The following HVCN1 variants were observed in gnomAD, a reference collection of about 807,000 sequenced individuals.
HVCN1 encodes the protein voltage-gated hydrogen channel 1.
HVCN1 carries 14 observed loss-of-function variants against 29.2 expected under a neutral mutation model. The ratio of observed to expected loss-of-function variants is 0.48; its 90% CI spans 0.32 to 0.75. The LOEUF (loss-of-function observed/expected upper bound fraction) is 0.75. Among genes scored for constraint, HVCN1 ranks in the 30% least tolerant of loss-of-function variants. The probability of loss-of-function intolerance (pLI) is 0.04; values close to 1 mark genes in which losing one functional copy is unlikely to be tolerated. For missense variants in HVCN1, 263 were observed against 341.8 expected (o/e 0.77, Z 1.82); for synonymous variants, 131 against 133.2 (o/e 0.98, Z 0.11).
In HVCN1 at chr12:110,658,610, C is replaced by G. The variant is rs1049104907; in HGVS notation, c.306+2554G>C. Among the ~76,000 whole-genome samples, 1 of 152,138 alleles carries G rather than the reference C, an allele frequency of 6.6e-6. No individual in the cohort carries two copies. The highest frequency in any genetic ancestry group is 2.4e-5 in the African/African-American group (1 of 41,440). ...ACTCCTGCTCAGCATGCAGGTGTCA[C>G]CTCCTTCGACTCCAGTCCCTGATCA... is the stretch of plus-strand genomic sequence containing the variant. On this transcript the variant is annotated intron_variant, in intron 4 of 7. Coordinates refer to ENST00000242607, the MANE Select transcript of HVCN1 (RefSeq NM_032369.4). This position sits in a 1 kb window ranked among gnomAD's most constrained non-coding sequence, Gnocchi z 5.0.
rs554709312 is a variant in HVCN1, at chr12:110,650,919, C to T, written c.643+298G>A. 1.2e-3 allele frequency among the ~76,000 whole-genome samples: 183 copies of T among 152,230 alleles called. 1 individual carries two copies. Among genetic ancestry groups the T allele is most frequent in the African/African-American group, 4.3e-3 (179 of 41,520 alleles). ...TTCACCATGTTGCCCAGGTTGGTCT[C>T]GAACTCCTGGGCTCAAGTGATCCTC... On this transcript the variant is annotated intron_variant, in intron 6 of 7. Transcript: ENST00000242607.
At position 110,676,933 on chromosome 12, in the gene HVCN1, G is replaced by A. The variant is rs1250044185; in HGVS notation, c.21+6292C>T. 6.6e-6 allele frequency among the ~76,000 whole-genome samples: 1 copy of A among 152,062 alleles called. No individual in the cohort carries two copies. Among genetic ancestry groups the A allele is most frequent in the African/African-American group, 2.4e-5 (1 of 41,402 alleles). On this transcript the variant is annotated intron_variant, in intron 3 of 7. Transcript: ENST00000242607. This position sits in a 1 kb window ranked among gnomAD's most constrained non-coding sequence, Gnocchi z 4.1. Reference sequence around the variant, plus strand: ...TCCCTTATTTAAAACTTTTGGCTGGGTGCAGTCACTCACACCTGTAATCCC... The same window carrying A: ...TCCCTTATTTAAAACTTTTGGCTGGATGCAGTCACTCACACCTGTAATCCC...
At chr12:110,697,090 T>C (rs2069505437) in intron 2 of HVCN1, among the ~76,000 whole-genome samples, 1 of 151,890 alleles carries the variant, frequency 6.6e-6, no homozygotes, top group Admixed American at 6.6e-5. Context: ...GTGCCCTCCA[T>C]CAAGCAGAGA....
intron 3 of HVCN1, among the ~76,000 whole-genome samples, chr12:110,680,254 C>T (rs2068913190): frequency 6.6e-6 from 1 of 152,162 alleles, no homozygotes; most frequent in Non-Finnish European, 1.5e-5. Context: ...GACAAACAGG[C>T]TCCAGGCTCC....
rs774911457 is a variant in HVCN1, at chr12:110,661,484, A to G, written c.22-36T>C. The G allele has an allele frequency of 1.9e-6, 3 of 1,600,784 alleles. No homozygotes were observed. The Admixed American group carries it at 5.1e-5, about 27-fold the overall frequency. The stretch of plus-strand genomic sequence containing the variant: ...GGGACAGAGAGCAAGAGCTTCAGGC[A>G]GTTGGCCACTCAGAGCCCACATGGC... On this transcript the variant is annotated intron_variant, in intron 3 of 7. Transcript: ENST00000242607. This position sits in a 1 kb window ranked among gnomAD's most constrained non-coding sequence, Gnocchi z 6.2.
At position 110,658,157 on chromosome 12, in the gene HVCN1, T is replaced by C. The variant is rs1241964587; in HGVS notation, c.307-2819A>G. Among the ~76,000 whole-genome samples, 2 of 152,196 alleles carry C rather than the reference T, an allele frequency of 1.3e-5. No homozygotes were observed. Among genetic ancestry groups the C allele is most frequent in the Admixed American group, 1.3e-4 (2 of 15,278 alleles). ...TGTCATTCATGGCTTCCTTGGGCCC[T>C]GAATAACCCTGTATTCTCTCCCTTG... On this transcript the variant is annotated intron_variant, in intron 4 of 7. Transcript: ENST00000242607. The surrounding 1 kb of genome is among the most constrained non-coding windows in gnomAD (Gnocchi z 5.0).
intron 3 of HVCN1, among the ~76,000 whole-genome samples, chr12:110,665,930 C>T (rs1312083852): frequency 4.0e-5 from 6 of 149,966 alleles, no homozygotes; most frequent in Non-Finnish European, 5.9e-5. Flanking sequence ...CACTTGAACC[C>T]GGGAGGTGGA....
At position 110,651,213 on chromosome 12, in the gene HVCN1, G is replaced by A. The variant is rs368753321; in HGVS notation, c.643+4C>T. The A allele has an allele frequency of 2.1e-5, 33 of 1,604,038 alleles. No individual in the cohort carries two copies. In the African/African-American group the frequency reaches 2.3e-4, roughly 11 times the overall value. On this transcript the variant is annotated splice_donor_region_variant and intron_variant, in intron 6 of 7. Coordinates refer to ENST00000242607, the MANE Select transcript of HVCN1 (RefSeq NM_032369.4). ...TCCACAGCCTGGGAGTGCAGGAGAC[G>A]TACCATTGATGATCCGGGCCACCCG...
At chr12:110,701,328 C>T (rs2069561919) in intron 2 of HVCN1, among the ~76,000 whole-genome samples, 1 of 152,156 alleles carries the variant, frequency 6.6e-6, no homozygotes, top group Non-Finnish European at 1.5e-5. Flanking sequence ...AGTGTTTTTC[C>T]AAGTGCAGGC....
At chr12:110,665,791 G>C (rs1256874233) in intron 3 of HVCN1, among the ~76,000 whole-genome samples, 1 of 151,744 alleles carries the variant, frequency 6.6e-6, no homozygotes, top group African/African-American at 2.4e-5. Context: ...CAGATCACCT[G>C]AGGTCAGGAG....
intron 3 of HVCN1, among the ~76,000 whole-genome samples, chr12:110,681,015 G>T (rs567757417): frequency 6.6e-6 from 1 of 152,250 alleles, no homozygotes; most frequent in East Asian, 1.9e-4. Flanking sequence ...CTGTTCAGAG[G>T]CCAGGAAACT....
Position 110,661,081 on chromosome 12 carries a change from T to G in HVCN1, c.306+83A>C. The stretch of plus-strand genomic sequence containing the variant: ...TAGAATGAATGAGGCAGTGGCCAAA[T>G]GGGCTCAGCCTGGCCGCCTGCCTCA... On this transcript the variant is annotated intron_variant, in intron 4 of 7. Coordinates refer to ENST00000242607, the MANE Select transcript of HVCN1 (RefSeq NM_032369.4). The surrounding 1 kb of genome is among the most constrained non-coding windows in gnomAD (Gnocchi z 6.2). The G allele has an allele frequency of 5.9e-6, 8 of 1,358,288 alleles. No homozygotes were observed. The South Asian group carries it at 1.1e-4, about 18-fold the overall frequency. The allele number at this position is 1,358,288 out of a possible 1,614,324, so 84.1% of individuals were successfully genotyped here. A position where few individuals can be genotyped will look rare whatever the true frequency, so the allele number is the denominator to read the frequency against.
intron 2 of HVCN1, among the ~76,000 whole-genome samples, chr12:110,699,127 C>T (rs1213247018): frequency 2.0e-5 from 3 of 152,236 alleles, no homozygotes; most frequent in Non-Finnish European, 4.4e-5. Flanking sequence ...GACTCCATCT[C>T]AAAACAAGCA....
chr12:110,693,559 A>G (rs1244845184), upstream of HVCN1, among the ~76,000 whole-genome samples: 1 of 151,894 alleles, frequency 6.6e-6, no homozygotes, highest in African/African-American at 2.4e-5. Context: ...GAAAAAAAAA[A>G]CGGAAAAAAA....
At chr12:110,664,808 T>C (rs1472286987) in intron 3 of HVCN1, among the ~76,000 whole-genome samples, 2 of 152,178 alleles carry the variant, frequency 1.3e-5, no homozygotes, top group African/African-American at 4.8e-5. Flanking sequence ...AAACATCGTG[T>C]GTGTGGAACA....
At position 110,652,565 on chromosome 12, in the gene HVCN1, GACA is replaced by G. The variant is rs1345522249; in HGVS notation, c.412-1120_412-1118del. On this transcript the variant is annotated intron_variant, in intron 5 of 7. Coordinates refer to ENST00000242607, the MANE Select transcript of HVCN1 (RefSeq NM_032369.4). ...CAGTCAACTTGAAGAGGCTCACAGT[GACA>G]ACATTTGGGACAATCTGAACATTGA... 3.3e-5 allele frequency among the ~76,000 whole-genome samples: 5 copies of G among 152,118 alleles called. No individual in the cohort carries two copies. The South Asian group carries it at 8.3e-4, about 25-fold the overall frequency.
chr12:110,690,536 GT>G (rs2069380921), upstream of HVCN1, among the ~76,000 whole-genome samples: 1 of 152,152 alleles, frequency 6.6e-6, no homozygotes, highest in Non-Finnish European at 1.5e-5. Flanking sequence ...GAGTGCAGTG[GT>G]GCGATCTTGG....
Position 110,649,416 on chromosome 12 carries a change from C to T in HVCN1, c.816G>A (p.Val272=). 2 of 1,608,332 alleles carry T rather than the reference C, an allele frequency of 1.2e-6. No individual in the cohort carries two copies. Among genetic ancestry groups the T allele is most frequent in the Non-Finnish European group, 8.5e-7 (1 of 1,176,226 alleles). The part of the protein sequence containing the change: ...LLRQHGLLGE[V]N ...GAGGGGAGCTGGTCCGGGTCTAGTT[C>T]ACTTCACCAAGAAGTCCATGCTGTC... The change falls in exon 8 of 8, where the codon GTG becomes GTA. Residue 272 remains valine (V), a synonymous_variant. Transcript: ENST00000242607.
intron 4 of HVCN1, among the ~76,000 whole-genome samples, chr12:110,655,598 C>A (rs2067962620): frequency 6.6e-6 from 1 of 152,240 alleles, no homozygotes; most frequent in Non-Finnish European, 1.5e-5. Flanking sequence ...CCCACCTTCC[C>A]TGCCCTCCCA....
Sources: gnomAD v4.1 joint callset for allele counts (sites outside exome capture counted in the v4.1 genomes callset) on GRCh38, gnomAD v4.1.1 for gene constraint, Gnocchi (gnomAD v3.1) non-coding constraint, MANE v1.5 for transcripts, NCBI Gene and HGNC (gene_info 2026-07-23, HGNC 2026-07-21) for gene names.